DTNA: variants seen among roughly 807,000 people sequenced by gnomAD.
The protein encoded by DTNA is dystrophin-related protein 3.
Under a neutral mutation model 100.7 loss-of-function variants are expected in DTNA, and 43 were observed. The observed-to-expected ratio is 0.43, with a 90% CI of 0.33 to 0.55. The LOEUF (loss-of-function observed/expected upper bound fraction) is 0.55, where lower values mean the gene tolerates loss of function less well. Among genes scored for constraint, DTNA ranks in the 20% least tolerant of loss-of-function variants. DTNA has a pLI of 0.04. For missense variants in DTNA, 798 were observed against 953.9 expected (o/e 0.84, Z 2.15); for synonymous variants, 349 against 347.9 (o/e 1.00, Z -0.04).
intron 1 of DTNA, among the ~76,000 whole-genome samples, chr18:34,745,887 G>A (rs576074466): frequency 6.6e-6 from 1 of 152,094 alleles, no homozygotes; most frequent in African/African-American, 2.4e-5. Flanking sequence ...ACCTTCATCA[G>A]CTCATTAAAG....
At chr18:34,674,683 G>C (rs534502992) in intron 1 of DTNA, among the ~76,000 whole-genome samples, 10 of 152,300 alleles carry the variant, frequency 6.6e-5, no homozygotes, top group African/African-American at 2.4e-4. Flanking sequence ...GAAAACATGA[G>C]CTTTGTGTTT....
intron 1 of DTNA, among the ~76,000 whole-genome samples, chr18:34,622,937 C>A (rs979594038): frequency 6.6e-6 from 1 of 152,176 alleles, no homozygotes; most frequent in African/African-American, 2.4e-5. Flanking sequence ...TAAATCCTCT[C>A]CCATATATCT....
At chr18:34,608,315 C>G (rs1277444934) in intron 1 of DTNA, among the ~76,000 whole-genome samples, 1 of 152,124 alleles carries the variant, frequency 6.6e-6, no homozygotes, top group African/African-American at 2.4e-5. Flanking sequence ...TTACTAACTG[C>G]TGCCAGGAAG....
chr18:34,703,644 T>C (rs1399668796), intron 1 of DTNA, among the ~76,000 whole-genome samples: 1 of 152,192 alleles, frequency 6.6e-6, no homozygotes, highest in South Asian at 2.1e-4. Context: ...AAATATCAGA[T>C]GTACAGTCCT....
intron 1 of DTNA, among the ~76,000 whole-genome samples, chr18:34,754,774 T>A (rs972249364): frequency 6.6e-6 from 1 of 152,186 alleles, no homozygotes; most frequent in African/African-American, 2.4e-5. Flanking sequence ...GTGAACATGC[T>A]GTTTGTTGAG....
rs764979593 is a variant in DTNA, at chr18:34,812,023, T to A, written c.513T>A (p.Leu171=). The A allele has an allele frequency of 6.2e-7, 1 of 1,614,120 alleles. No individual in the cohort carries two copies. Among genetic ancestry groups the A allele is most frequent in the Non-Finnish European group, 8.5e-7 (1 of 1,179,972 alleles). Residue 171 remains leucine (L), a synonymous_variant, in exon 6 of 23, where the codon CTT becomes CTA. Coordinates refer to ENST00000444659, the MANE Select transcript of DTNA (RefSeq NM_001386795.1). ...TTTATGGACGATATGACCAATTCCT[T>A]CGGGAAGTTCTCAAACTACCCACGG... is the stretch of plus-strand genomic sequence containing the variant. ...VMVYGRYDQF[L]REVLKLPTAV...
chr18:34,837,216 C>A (rs1014290651), intron 11 of DTNA, among the ~76,000 whole-genome samples: 1 of 152,090 alleles, frequency 6.6e-6, no homozygotes, highest in African/African-American at 2.4e-5. Context: ...TCTTACTTAA[C>A]CTATAGAGGA....
At chr18:34,861,178 T>C (rs1287754217) in intron 16 of DTNA, among the ~76,000 whole-genome samples, 2 of 152,208 alleles carry the variant, frequency 1.3e-5, no homozygotes, top group East Asian at 3.9e-4. Context: ...GTTCTAACAC[T>C]GTTCTAAAAG....
chr18:34,799,592 G>A (rs1372757649), intron 4 of DTNA, among the ~76,000 whole-genome samples: 1 of 152,270 alleles, frequency 6.6e-6, no homozygotes, highest in East Asian at 1.9e-4. Context: ...ACTTGGCGTG[G>A]TGACTTTTTT....
intron 2 of DTNA, 24 bp downstream of exon 2, chr18:34,756,067 C>T: frequency 3.1e-6 from 5 of 1,606,514 alleles, no homozygotes; most frequent in Non-Finnish European, 4.3e-6. Flanking sequence ...TTTTAAGGAA[C>T]ACCCTATAGT....
chr18:34,613,237 T>G (rs1031557970), intron 1 of DTNA, among the ~76,000 whole-genome samples: 1 of 152,218 alleles, frequency 6.6e-6, no homozygotes, highest in East Asian at 1.9e-4. Flanking sequence ...GTCTGCATTC[T>G]GACTGCTCCA....
At chr18:34,676,365 G>C (rs369442856) in intron 1 of DTNA, among the ~76,000 whole-genome samples, 1 of 152,164 alleles carries the variant, frequency 6.6e-6, no homozygotes, top group African/African-American at 2.4e-5. Context: ...ATGGTACTCT[G>C]TGGTAAGACA....
At chr18:34,879,340 A>G (rs1007583513) in intron 19 of DTNA, among the ~76,000 whole-genome samples, 1 of 152,224 alleles carries the variant, frequency 6.6e-6, no homozygotes, top group African/African-American at 2.4e-5. Flanking sequence ...CATTTCTGAG[A>G]TTTTAAAAAT....
At chr18:34,848,471 C>A in intron 14 of DTNA, 88 bp downstream of exon 14, 3 of 1,341,792 alleles carry the variant, frequency 2.2e-6, no homozygotes, top group Non-Finnish European at 3.2e-6. Flanking sequence ...ATAGCTGGTG[C>A]TGATTACCAG....
intron 1 of DTNA, among the ~76,000 whole-genome samples, chr18:34,753,369 T>TA (rs1568412667): frequency 2.1e-5 from 2 of 93,396 alleles, no homozygotes; most frequent in African/African-American, 1.2e-4. Context: ...TTATTTTATT[T>TA]TTTTTTTTTT....
At chr18:34,856,121 C>T (rs1025739658) in intron 15 of DTNA, among the ~76,000 whole-genome samples, 35 of 152,214 alleles carry the variant, frequency 2.3e-4, no homozygotes, top group African/African-American at 7.9e-4. Context: ...GAAGAGATGG[C>T]GGAAAGAGAG....
At chr18:34,774,417 T>A (rs956144564) in intron 3 of DTNA, among the ~76,000 whole-genome samples, 1 of 152,226 alleles carries the variant, frequency 6.6e-6, no homozygotes, top group Non-Finnish European at 1.5e-5. Flanking sequence ...GCTTCTCCCA[T>A]GAAATCACAC....
At chr18:34,797,574 G>A (rs2095034275) in intron 4 of DTNA, among the ~76,000 whole-genome samples, 1 of 152,110 alleles carries the variant, frequency 6.6e-6, no homozygotes, top group Admixed American at 6.5e-5. Flanking sequence ...TATTGAGGAG[G>A]GGGAAAACTC....
chr18:34,803,339 A>G lies in DTNA; in HGVS notation c.363-2880A>G, dbSNP rs570909886. Among the ~76,000 whole-genome samples the G allele has an allele frequency of 2.0e-5, 3 of 151,756 alleles. No individual in the cohort carries two copies. In the South Asian group the frequency reaches 6.3e-4, roughly 32 times the overall value. On this transcript the variant is annotated intron_variant, in intron 4 of 22. Transcript: ENST00000444659. The stretch of plus-strand genomic sequence containing the variant: ...ACAGCTCTGATATAACCACTGTTGG[A>G]TCTAGTATCATCAATCTTCCATTTC...
Sources: allele counts gnomAD v4.1 joint callset (sites outside exome capture counted in the v4.1 genomes callset), GRCh38; gene constraint gnomAD v4.1.1; transcripts MANE v1.5; gene names NCBI Gene and HGNC (gene_info 2026-07-23, HGNC 2026-07-21).